The following DOCK1 variants were observed in gnomAD, a reference collection of about 807,000 sequenced individuals.
DOCK1 encodes dedicator of cytokinesis 1.
Under a neutral mutation model 262.7 loss-of-function variants are expected in DOCK1, and 138 were observed. The observed-to-expected ratio is 0.53, with a 90% CI of 0.46 to 0.61. DOCK1 has a LOEUF of 0.61. DOCK1 is among the 20% of genes least tolerant of loss of function. DOCK1 has a pLI of 0.00. For missense variants in DOCK1, 1,908 were observed against 2,370.7 expected, an observed-to-expected ratio of 0.80 and a Z score of 4.05; for synonymous variants, 866 against 867.4, an observed-to-expected ratio of 1.00 and a Z score of 0.03.
chr10:127,362,986 TCC>T (rs150863826), intron 33 of DOCK1, among the ~76,000 whole-genome samples: 148 of 5,096 alleles, frequency 0.029, 1 homozygote, highest in South Asian at 0.037. Flanking sequence ...CACATACACA[TCC>T]CCCCCCACAC....
At chr10:126,992,789 G>GACAC (rs142022750) in intron 6 of DOCK1, among the ~76,000 whole-genome samples, 72 of 147,386 alleles carry the variant, frequency 4.9e-4, no homozygotes, top group Non-Finnish European at 6.6e-4. Flanking sequence ...CACACACACA[G>GACAC]ACACACACAC....
intron 27 of DOCK1, among the ~76,000 whole-genome samples, chr10:127,188,554 TAG>T (rs937866012): frequency 1.3e-5 from 2 of 152,146 alleles, no homozygotes; most frequent in Non-Finnish European, 2.9e-5. Context: ...ATTTCTGCAT[TAG>T]AGAGGGGGTG....
chr10:127,172,147 A>C (rs2483847), intron 27 of DOCK1, among the ~76,000 whole-genome samples: 5 of 152,118 alleles, frequency 3.3e-5, no homozygotes, highest in East Asian at 1.9e-4. Flanking sequence ...TAAAATACCA[A>C]CTTCCCAGTT....
intron 33 of DOCK1, among the ~76,000 whole-genome samples, chr10:127,362,886 CA>C (rs1407503226): frequency 9.8e-5 from 13 of 132,354 alleles, no homozygotes; most frequent in African/African-American, 3.9e-4. Flanking sequence ...TACACATCCC[CA>C]CACACACACA....
At chr10:127,377,542 CAGTT>C (rs1246490967) in intron 35 of DOCK1, among the ~76,000 whole-genome samples, 1 of 152,164 alleles carries the variant, frequency 6.6e-6, no homozygotes, top group Non-Finnish European at 1.5e-5. Flanking sequence ...TTACAAAACA[CAGTT>C]AGTGGAACAT....
chr10:127,006,413 G>C (rs2041025942), intron 10 of DOCK1, among the ~76,000 whole-genome samples: 1 of 152,200 alleles, frequency 6.6e-6, no homozygotes, highest in South Asian at 2.1e-4. Context: ...ACTGACTTCA[G>C]CTGGACTCTG....
At chr10:127,439,311 G>A in intron 49 of DOCK1, 86 bp downstream of exon 49, 1 of 1,355,874 alleles carries the variant, frequency 7.4e-7, no homozygotes, top group Non-Finnish European at 1.0e-6. Flanking sequence ...GGCTGACGGT[G>A]GGCTCTTATT....
chr10:127,238,504 T>A, intron 27 of DOCK1, among the ~76,000 whole-genome samples: 1 of 152,200 alleles, frequency 6.6e-6, no homozygotes, highest in East Asian at 1.9e-4. Context: ...TCCGTGTTTT[T>A]TTGGCTCATA....
At position 126,977,221 on chromosome 10, in the gene DOCK1, T is replaced by G. The variant is rs1029674786; in HGVS notation, c.131-727T>G. On this transcript the variant is annotated intron_variant, in intron 2 of 51. Transcript: ENST00000623213. Reference sequence around the variant, plus strand: ...CTCAGCCTGAGAGGGGTGCCAGGGGTGTGGCTGGGTCTGGTCCCTTGTTGA... The same window carrying G: ...CTCAGCCTGAGAGGGGTGCCAGGGGGGTGGCTGGGTCTGGTCCCTTGTTGA... Among the ~76,000 whole-genome samples, 42 of 151,860 alleles carry G rather than the reference T, an allele frequency of 2.8e-4. 1 individual carries two copies. Among genetic ancestry groups the G allele is most frequent in the Admixed American group, 5.3e-4 (8 of 15,230 alleles).
At position 127,110,267 on chromosome 10, in the gene DOCK1, ATCC is replaced by A. The variant is rs747889901; in HGVS notation, c.2539_2541del (p.Leu847del). On this transcript the variant is annotated inframe_deletion, in exon 25 of 52. Transcript: ENST00000623213. ...TCACAGCAAAATGTTTACTGAATTC[ATCC>A]TCAATGTTCCCATGGGCTTGCTGAC... 1 of 1,613,368 alleles carries A rather than the reference ATCC, an allele frequency of 6.2e-7. No individual in the cohort carries two copies. Among genetic ancestry groups the A allele is most frequent in the Non-Finnish European group, 8.5e-7 (1 of 1,179,696 alleles).
intron 7 of DOCK1, among the ~76,000 whole-genome samples, chr10:126,997,087 T>C (rs2040254803): frequency 6.6e-6 from 1 of 152,042 alleles, no homozygotes; most frequent in African/African-American, 2.4e-5. Context: ...TCGGACAGCA[T>C]TGTGTTTCAT....
intron 28 of DOCK1, 114 bp downstream of exon 28, chr10:127,248,223 C>CT: frequency 1.0e-6 from 1 of 954,432 alleles, no homozygotes; most frequent in Admixed American, 2.4e-5. Context: ...GAACTTGTCT[C>CT]TGATTGATTT....
At chr10:127,340,554 G>A (rs548042485) in intron 30 of DOCK1, among the ~76,000 whole-genome samples, 3 of 152,264 alleles carry the variant, frequency 2.0e-5, no homozygotes, top group Admixed American at 6.5e-5. Context: ...GTGCTACCGT[G>A]AGGGCTGTGA....
Position 127,362,065 on chromosome 10 carries a change from T to TCAA in DOCK1, c.3288_3290dup (p.Gln1096dup), listed in dbSNP as rs745319314. ...AATATTGTACCTCTTTTTTCCAAGG[T>TCAA]CAACACAAGATAAAGTTCATTCCAG... is the stretch of plus-strand genomic sequence containing the variant. On this transcript the variant is annotated inframe_insertion and splice_region_variant, in exon 33 of 52. Coordinates refer to ENST00000623213, the MANE Select transcript of DOCK1 (RefSeq NM_001290223.2). 1 of 1,606,060 alleles carries TCAA rather than the reference T, an allele frequency of 6.2e-7. No homozygotes were observed. Among genetic ancestry groups the TCAA allele is most frequent in the South Asian group, 1.1e-5 (1 of 88,928 alleles).
chr10:127,026,067 A>AAAAAG (rs1564742655), intron 15 of DOCK1: 882 of 206,442 alleles, frequency 4.3e-3, no homozygotes, highest in South Asian at 6.3e-3. Flanking sequence ...ATCAAAAAAA[A>AAAAAG]AAAAAGAAAG....
chr10:127,141,851 G>A (rs2051290440), intron 27 of DOCK1, among the ~76,000 whole-genome samples: 1 of 152,192 alleles, frequency 6.6e-6, no homozygotes, highest in Non-Finnish European at 1.5e-5. Context: ...CACTCCAGAT[G>A]GAGTCTGTGG....
intron 27 of DOCK1, among the ~76,000 whole-genome samples, chr10:127,153,662 T>C (rs991598414): frequency 1.3e-5 from 2 of 152,218 alleles, no homozygotes; most frequent in African/African-American, 4.8e-5. Flanking sequence ...GTTCAAGCTC[T>C]CCTACATCCC....
At position 127,409,072 on chromosome 10, in the gene DOCK1, G is replaced by T; in HGVS notation, c.4158G>T (p.Glu1386Asp). ...KVFIYRGKEYERREDFEARLL... is the reference protein window; with the variant it reads ...KVFIYRGKEYDRREDFEARLL... Reference sequence around the variant, plus strand: ...TCATTTACCGAGGGAAAGAGTATGAGCGCCGGGAAGATTTTGAGGCTCGGC... The same window carrying T: ...TCATTTACCGAGGGAAAGAGTATGATCGCCGGGAAGATTTTGAGGCTCGGC... Residue 1386 changes from glutamate to aspartate, a missense_variant, in exon 41 of 52, where the codon GAG becomes GAT. Glu to Asp is a conservative substitution (Grantham distance 45). Around this residue, in one of 9 missense-constraint regions of DOCK1, gnomAD observed 267 missense variants for 366.3 expected, o/e 0.73. Coordinates refer to ENST00000623213, the MANE Select transcript of DOCK1 (RefSeq NM_001290223.2). 2 of 1,594,332 alleles carry T rather than the reference G, an allele frequency of 1.3e-6. No individual in the cohort carries two copies. The highest frequency in any genetic ancestry group is 2.3e-5 in the South Asian group (2 of 88,020).
rs1171394109 is a variant in DOCK1, at chr10:127,052,725, A to G, written c.2246A>G (p.Lys749Arg). 6.2e-7 allele frequency: 1 copy of G among 1,613,948 alleles called. No homozygotes were observed. Among genetic ancestry groups the G allele is most frequent in the Non-Finnish European group, 8.5e-7 (1 of 1,179,884 alleles). The change falls in exon 22 of 52, where the codon AAG (lysine) becomes AGG (arginine). Residue 749 changes from lysine (K) to arginine (R), a missense_variant. This residue lies in a region of DOCK1 where 518 missense variants were observed against 575.1 expected (regional missense o/e 0.90). Coordinates refer to ENST00000623213, the MANE Select transcript of DOCK1 (RefSeq NM_001290223.2). Reference sequence around the variant, plus strand: ...AAGAACTACGTGGACGGTGCTGAGAAGCCGGGAGTAAATGAGCAGCTGTAC... The same window carrying G: ...AAGAACTACGTGGACGGTGCTGAGAGGCCGGGAGTAAATGAGCAGCTGTAC... Reference protein sequence around the residue: ...VLKNYVDGAEKPGVNEQLYKA... With the variant: ...VLKNYVDGAERPGVNEQLYKA...
Sources: allele counts gnomAD v4.1 joint callset (sites outside exome capture counted in the v4.1 genomes callset), GRCh38; gene constraint gnomAD v4.1.1; regional missense constraint gnomAD v4.1.1; transcripts MANE v1.5; gene names NCBI Gene and HGNC (gene_info 2026-07-23, HGNC 2026-07-21).